The following EDC4 variants were observed in gnomAD, a reference collection of about 807,000 sequenced individuals.
EDC4 encodes the protein enhancer of mRNA decapping 4.
EDC4 carries 64 observed loss-of-function variants against 155.8 expected under a neutral mutation model. That is an observed-to-expected ratio of 0.41 (90% CI 0.34 to 0.51). The LOEUF is 0.51. Ranked by LOEUF, EDC4 falls within the 20% of genes least tolerant of loss-of-function variation. EDC4 has a pLI of 0.19. For missense variants in EDC4, 1,303 were observed against 1,812.5 expected (o/e 0.72, Z 5.10); for synonymous variants, 684 against 716.8 (o/e 0.95, Z 0.73).
chr16:67,876,100 A>G lies in EDC4; in HGVS notation c.238A>G (p.Ile80Val), dbSNP rs2058040242. 12 of 1,614,086 alleles carry G rather than the reference A, an allele frequency of 7.4e-6. No homozygotes were observed. Among genetic ancestry groups the G allele is most frequent in the Non-Finnish European group, 1.0e-5 (12 of 1,179,950 alleles). The change falls in exon 2 of 29, where the codon ATC becomes GTC. Residue 80 changes from isoleucine to valine, a missense_variant and splice_region_variant. This residue lies in a region of EDC4 where 99 missense variants were observed against 121.3 expected (regional missense o/e 0.82). Transcript: ENST00000358933. The surrounding 1 kb of genome is among the most constrained non-coding windows in gnomAD (Gnocchi z 5.8). ...CATTAACCTGCAAGAGAAGCAGGTC[A>G]TGTGAGTACCTAGGAGACGACAATA... ...PPINLQEKQV[I>V]CLSGDDSSTC...
Position 67,882,667 on chromosome 16 carries a change from G to C in EDC4, c.3443-12G>C. 6.2e-7 allele frequency: 1 copy of C among 1,614,238 alleles called. No individual in the cohort carries two copies. Among genetic ancestry groups the C allele is most frequent in the Middle Eastern group, 1.6e-4 (1 of 6,062 alleles). On this transcript the variant is annotated splice_polypyrimidine_tract_variant and intron_variant, in intron 25 of 28. Transcript: ENST00000358933. This position sits in a 1 kb window ranked among gnomAD's most constrained non-coding sequence, Gnocchi z 7.2. ...TACTGTTCCTCTTATAGTCCCTGTG[G>C]TCACCCCTCAGACTTGCAGCAGCTA...
Position 67,879,981 on chromosome 16 carries a change from G to T in EDC4, c.1943+10G>T, listed in dbSNP as rs762727698. ...ACCCCTCCTTGACCAGGTGAGGCAA[G>T]GGTCAGAGATGGAGGATGGCAGGGG... On this transcript the variant is annotated intron_variant, in intron 16 of 28. Transcript: ENST00000358933. This position sits in a 1 kb window ranked among gnomAD's most constrained non-coding sequence, Gnocchi z 6.0. 1 of 1,600,516 alleles carries T rather than the reference G, an allele frequency of 6.2e-7. No homozygotes were observed. The highest frequency in any genetic ancestry group is 8.5e-7 in the Non-Finnish European group (1 of 1,170,766).
Position 67,873,271 on chromosome 16 carries a change from T to C in EDC4, c.10T>C (p.Cys4Arg). 6.8e-7 allele frequency: 1 copy of C among 1,468,700 alleles called. No individual in the cohort carries two copies. The highest frequency in any genetic ancestry group is 1.3e-5 in the South Asian group (1 of 76,860). 91.0% of individuals were successfully genotyped at this position (1,468,700 alleles called of 1,614,324 possible). A position where few individuals can be genotyped will look rare whatever the true frequency, so the allele number is the denominator to read the frequency against. Residue 4 changes from cysteine (C) to arginine (R), a missense_variant, in exon 1 of 29, where the codon TGC (cysteine) becomes CGC (arginine). Transcript: ENST00000358933. MAS[C>R]ASIDIEDATQ... ...GCCCGCCGCAGGGCCCATGGCCTCC[T>C]GCGCGAGCATCGACATCGAGGACGC... is the stretch of plus-strand genomic sequence containing the variant.
chr16:67,879,470 C>A lies in EDC4; in HGVS notation c.1600C>A (p.Pro534Thr), dbSNP rs373278145. Residue 534 changes from proline to threonine, a missense_variant, in exon 14 of 29, where the codon CCA becomes ACA. Physicochemically the swap from Pro to Thr is conservative, Grantham distance 38. Transcript: ENST00000358933. This position sits in a 1 kb window ranked among gnomAD's most constrained non-coding sequence, Gnocchi z 6.0. ...QPQLNPDVVA[P>T]LPTHTAHEDF... is the part of the protein sequence containing the mutation. ...ACAGCTGAACCCTGATGTGGTGGCCCCACTGCCCACCCACACTGCCCACGA... is the reference window on the plus strand; with the variant it reads ...ACAGCTGAACCCTGATGTGGTGGCCACACTGCCCACCCACACTGCCCACGA... 12 of 1,614,058 alleles carry A rather than the reference C, an allele frequency of 7.4e-6. No individual in the cohort carries two copies. The African/African-American group carries it at 1.3e-4, about 18-fold the overall frequency.
In EDC4 at chr16:67,879,877, A is replaced by G; in HGVS notation, c.1849A>G (p.Ser617Gly). The G allele has an allele frequency of 1.9e-6, 3 of 1,611,462 alleles. No individual in the cohort carries two copies. Among genetic ancestry groups the G allele is most frequent in the Non-Finnish European group, 1.7e-6 (2 of 1,178,252 alleles). Residue 617 changes from serine to glycine, a missense_variant, in exon 16 of 29, where the codon AGC becomes GGC. Physicochemically the swap from Ser to Gly is moderately conservative, Grantham distance 56. This residue lies in a region of EDC4 where 391 missense variants were observed against 445.4 expected (regional missense o/e 0.88). Transcript: ENST00000358933. The surrounding 1 kb of genome is among the most constrained non-coding windows in gnomAD (Gnocchi z 6.0). ...CACTGCCTCTCCCAGCAGCAGCAGC[A>G]GCGGTAGCAGCAGCAGCAGCAGCAG... Reference protein sequence around the residue: ...QITASPSSSSSGSSSSSSSSS... With the variant: ...QITASPSSSSGGSSSSSSSSS...
In EDC4 at chr16:67,882,183, C is replaced by T. The variant is rs199875550; in HGVS notation, c.3161-29C>T. 1.9e-6 allele frequency: 3 copies of T among 1,613,412 alleles called. No individual in the cohort carries two copies. The highest frequency in any genetic ancestry group is 1.7e-6 in the Non-Finnish European group (2 of 1,179,748). On this transcript the variant is annotated intron_variant, in intron 23 of 28. Transcript: ENST00000358933. This position sits in a 1 kb window ranked among gnomAD's most constrained non-coding sequence, Gnocchi z 7.2. ...GTACCTGTCAAGCTTCTTCTCATGG[C>T]TCCACCTCACCCTCTTCCCCTCTCC... is the stretch of plus-strand genomic sequence containing the variant.
Position 67,883,358 on chromosome 16 carries a change from C to A in EDC4, c.3849+181C>A. On this transcript the variant is annotated intron_variant, in intron 27 of 28. Transcript: ENST00000358933. The surrounding 1 kb of genome is among the most constrained non-coding windows in gnomAD (Gnocchi z 5.3). Reference sequence around the variant, plus strand: ...TCTTCCTGGACCCCTTTCTTCCCACCTAGCCCACCTTGCTTTACAACTACC... The same window carrying A: ...TCTTCCTGGACCCCTTTCTTCCCACATAGCCCACCTTGCTTTACAACTACC... The A allele has an allele frequency of 1.5e-6, 2 of 1,293,844 alleles. No homozygotes were observed. The highest frequency in any genetic ancestry group is 2.4e-4 in the Middle Eastern group (1 of 4,170). The allele number at this position is 1,293,844 out of a possible 1,614,324, so 80.1% of individuals were successfully genotyped here.
Position 67,882,516 on chromosome 16 carries a change from G to A in EDC4, c.3364G>A (p.Val1122Met), listed in dbSNP as rs2058073307. Reference sequence around the variant, plus strand: ...CTACCGGGAAGCCTTCCAGAGTGTGGTGCTGCCGGCCTTTGAGAAGAGCTG... The same window carrying A: ...CTACCGGGAAGCCTTCCAGAGTGTGATGCTGCCGGCCTTTGAGAAGAGCTG... ...AAYREAFQSVVLPAFEKSCQA... is the reference protein window; with the variant it reads ...AAYREAFQSVMLPAFEKSCQA... The change falls in exon 25 of 29, where the codon GTG (valine) becomes ATG (methionine). Residue 1122 changes from valine (V) to methionine (M), a missense_variant. Val to Met is a conservative substitution (Grantham distance 21, BLOSUM62 1). Coordinates refer to ENST00000358933, the MANE Select transcript of EDC4 (RefSeq NM_014329.5). The surrounding 1 kb of genome is among the most constrained non-coding windows in gnomAD (Gnocchi z 7.2). The A allele has an allele frequency of 3.7e-6, 6 of 1,614,112 alleles. No individual in the cohort carries two copies. The highest frequency in any genetic ancestry group is 5.1e-6 in the Non-Finnish European group (6 of 1,180,050).
In EDC4 at chr16:67,881,215, G is replaced by T; in HGVS notation, c.2636+35G>T. 3.7e-6 allele frequency: 6 copies of T among 1,614,040 alleles called. No homozygotes were observed. Among genetic ancestry groups the T allele is most frequent in the Non-Finnish European group, 4.2e-6 (5 of 1,179,978 alleles). ...ACTCTACACCATTGCCCTCATGGGG[G>T]GATGGGCAGCAAGTGGGCAGGGGCT... On this transcript the variant is annotated intron_variant, in intron 19 of 28. Transcript: ENST00000358933. The surrounding 1 kb of genome is among the most constrained non-coding windows in gnomAD (Gnocchi z 5.4).
chr16:67,877,606 G>A lies in EDC4; in HGVS notation c.739G>A (p.Asp247Asn). 2 of 1,614,192 alleles carry A rather than the reference G, an allele frequency of 1.2e-6. No homozygotes were observed. Among genetic ancestry groups the A allele is most frequent in the Non-Finnish European group, 1.7e-6 (2 of 1,180,034 alleles). The change falls in exon 6 of 29, where the codon GAC (aspartate) becomes AAC (asparagine). Residue 247 changes from aspartate (D) to asparagine (N), a missense_variant. Physicochemically the swap from Asp to Asn is conservative, Grantham distance 23. Coordinates refer to ENST00000358933, the MANE Select transcript of EDC4 (RefSeq NM_014329.5). This position sits in a 1 kb window ranked among gnomAD's most constrained non-coding sequence, Gnocchi z 4.9. ...WCPFIPEESE[D>N]CCEESSPTVA... ...CCCCTTCATCCCTGAGGAGAGCGAA[G>A]ACTGCTGTGAGGAGAGCAGCCCAAC...
rs771684244 is a variant in EDC4 at position 67,878,499 on chromosome 16, G to A, written c.1089-37G>A. On this transcript the variant is annotated intron_variant, in intron 9 of 28. Transcript: ENST00000358933. This position sits in a 1 kb window ranked among gnomAD's most constrained non-coding sequence, Gnocchi z 5.2. ...GGCTGGACCATGGCTCCCAGCAGGG[G>A]CCCCAGCCAGTCACTCACTGCCTTG... 1 of 1,613,468 alleles carries A rather than the reference G, an allele frequency of 6.2e-7. No homozygotes were observed. Among genetic ancestry groups the A allele is most frequent in the Non-Finnish European group, 8.5e-7 (1 of 1,179,950 alleles).
In EDC4 at chr16:67,882,379, A is replaced by C. The variant is rs200986322; in HGVS notation, c.3277-50A>C. On this transcript the variant is annotated intron_variant, in intron 24 of 28. Transcript: ENST00000358933. This position sits in a 1 kb window ranked among gnomAD's most constrained non-coding sequence, Gnocchi z 7.2. ...GAGGTGGTGGTTCCTGGGCCTAGTC[A>C]GGCCAGGCTGGGCTCAGGCTTTCAA... 3.2e-4 allele frequency: 515 copies of C among 1,612,994 alleles called. 3 individuals are homozygous for C. In the African/African-American group the frequency reaches 5.8e-3, roughly 18 times the overall value.
chr16:67,876,511 C>T lies in EDC4; in HGVS notation c.263C>T (p.Ser88Phe). 1.1e-5 allele frequency: 17 copies of T among 1,614,140 alleles called. No homozygotes were observed. Among genetic ancestry groups the T allele is most frequent in the Non-Finnish European group, 1.4e-5 (17 of 1,180,036 alleles). Residue 88 changes from serine (S) to phenylalanine (F), a missense_variant, in exon 3 of 29, where the codon TCC becomes TTC. Around this residue, in one of 5 missense-constraint regions of EDC4, gnomAD observed 99 missense variants for 121.3 expected, o/e 0.82. Transcript: ENST00000358933. The surrounding 1 kb of genome is among the most constrained non-coding windows in gnomAD (Gnocchi z 5.8). Reference sequence around the variant, plus strand: ...AGCTGTCTCTCAGGAGATGATAGCTCCACCTGCATTGGGATTTTGGCCAAG... The same window carrying T: ...AGCTGTCTCTCAGGAGATGATAGCTTCACCTGCATTGGGATTTTGGCCAAG... ...QVICLSGDDS[S>F]TCIGILAKEV... is the part of the protein sequence containing the mutation.
At position 67,877,868 on chromosome 16, in the gene EDC4, C is replaced by T. The variant is rs1244950383; in HGVS notation, c.894+23C>T. On this transcript the variant is annotated intron_variant, in intron 7 of 28. Coordinates refer to ENST00000358933, the MANE Select transcript of EDC4 (RefSeq NM_014329.5). The surrounding 1 kb of genome is among the most constrained non-coding windows in gnomAD (Gnocchi z 4.9). ...ACGGTAAGCCTGTGACTGCCTGCCT[C>T]CCCTGCCCTCCCCACTTCCTCATAT... The T allele has an allele frequency of 3.1e-6, 5 of 1,612,920 alleles. No individual in the cohort carries two copies. The highest frequency in any genetic ancestry group is 2.2e-5 in the East Asian group (1 of 44,886).
Position 67,881,968 on chromosome 16 carries a change from C to T in EDC4, c.3019C>T (p.Arg1007Ter). ...RHEQEQRRLE[R>*]ALAEGQQRGG... ...CTATGGCGCAGAGCGGCGGCTGGAG[C>T]GAGCACTGGCTGAGGGGCAGCAGCG... Residue 1007 changes from arginine to a stop codon, truncating the protein, a stop_gained, in exon 23 of 29, where the codon CGA becomes TGA. Transcript: ENST00000358933. LOFTEE classifies it high-confidence loss of function. This position sits in a 1 kb window ranked among gnomAD's most constrained non-coding sequence, Gnocchi z 5.4. The T allele has an allele frequency of 6.2e-7, 1 of 1,607,260 alleles. No individual in the cohort carries two copies. The highest frequency in any genetic ancestry group is 8.5e-7 in the Non-Finnish European group (1 of 1,176,812).
chr16:67,875,492 T>C (rs1376310262), intron 1 of EDC4, among the ~76,000 whole-genome samples: 1 of 152,172 alleles, frequency 6.6e-6, no homozygotes, highest in Non-Finnish European at 1.5e-5. Flanking sequence ...CTTTTGAAAC[T>C]CTTTATGGTT....
In EDC4 at chr16:67,878,453, T is replaced by G; in HGVS notation, c.1088+10T>G. On this transcript the variant is annotated intron_variant, in intron 9 of 28. Transcript: ENST00000358933. This position sits in a 1 kb window ranked among gnomAD's most constrained non-coding sequence, Gnocchi z 5.2. ...AGAAACAAGACCCTGAGTGAGTGAG[T>G]GGGCAGCCTAGTGGGTGGTGGGCTG... 1 of 1,614,094 alleles carries G rather than the reference T, an allele frequency of 6.2e-7. No homozygotes were observed. The highest frequency in any genetic ancestry group is 8.5e-7 in the Non-Finnish European group (1 of 1,179,992).
chr16:67,875,901 G>A (rs1567388897), intron 1 of EDC4, 44 bp from the exon 2 acceptor site: 3 of 1,590,732 alleles, frequency 1.9e-6, no homozygotes, highest in Non-Finnish European at 2.6e-6. Context: ...GAGGCTTGTG[G>A]GCAGGTCGAG....
At chr16:67,874,773 G>T (rs1200819855) in intron 1 of EDC4, among the ~76,000 whole-genome samples, 1 of 152,100 alleles carries the variant, frequency 6.6e-6, no homozygotes, top group Non-Finnish European at 1.5e-5. Flanking sequence ...CTCACTGGAC[G>T]ACCAGGTCAG....
Sources: allele counts gnomAD v4.1 joint callset (sites outside exome capture counted in the v4.1 genomes callset), GRCh38; gene constraint gnomAD v4.1.1; regional missense constraint gnomAD v4.1.1; non-coding constraint Gnocchi (gnomAD v3.1); transcripts MANE v1.5; gene names NCBI Gene and HGNC (gene_info 2026-07-23, HGNC 2026-07-21).